ATP9B: variants seen among roughly 807,000 people sequenced by gnomAD.
ATP9B encodes the protein probable phospholipid-transporting ATPase IIB.
In ATP9B, 110 loss-of-function variants were observed where a neutral mutation model predicts 146.1. The observed-to-expected ratio is 0.75, with a 90% confidence interval of 0.65 to 0.88. The LOEUF is 0.88. ATP9B is among the 40% of genes least tolerant of loss of function. ATP9B has a pLI of 0.00. For synonymous variants in ATP9B, 604 were observed against 569.7 expected, an observed-to-expected ratio of 1.06 and a Z score of -0.86; for missense variants, 1,499 against 1,496.4, an observed-to-expected ratio of 1.00 and a Z score of -0.03.
At chr18:79,245,480 CA>C (rs2095935426) in intron 11 of ATP9B, among the ~76,000 whole-genome samples, 2 of 152,232 alleles carry the variant, frequency 1.3e-5, no homozygotes, top group East Asian at 1.9e-4. Flanking sequence ...GCTGTTGTTA[CA>C]ATGTTATCAA....
chr18:79,307,120 C>T lies in ATP9B; in HGVS notation c.1659C>T (p.Asn553=), dbSNP rs148663973. Residue 553 remains asparagine, a synonymous_variant, in exon 15 of 30, where the codon AAC becomes AAT. Transcript: ENST00000426216. ...EAVKAIVLCH[N]VTPVYESRAG... The stretch of plus-strand genomic sequence containing the variant: ...TGAAAGCCATCGTGCTGTGTCACAA[C>T]GTGACCCCCGTGTATGAGTCTCGGG... 1.9e-5 allele frequency: 31 copies of T among 1,614,068 alleles called. No homozygotes were observed. The highest frequency in any genetic ancestry group is 9.3e-5 in the African/African-American group (7 of 74,928).
intron 6 of ATP9B, among the ~76,000 whole-genome samples, chr18:79,147,228 A>G (rs1568275298): frequency 6.8e-6 from 1 of 146,772 alleles, no homozygotes; most frequent in Non-Finnish European, 1.5e-5. Context: ...CAGAGCTGAA[A>G]AAAGTAGGCA....
At position 79,277,880 on chromosome 18, in the gene ATP9B, C is replaced by T. The variant is rs1011073854; in HGVS notation, c.1411+684C>T. ...TAAAAATAAAAGAATACTTATATAG[C>T]GTGATAAACAAAATATGTTGCAAAC... On this transcript the variant is annotated intron_variant, in intron 13 of 29. Transcript: ENST00000426216. Among the ~76,000 whole-genome samples the T allele has an allele frequency of 3.3e-5, 5 of 152,112 alleles. No homozygotes were observed. The East Asian group carries it at 7.7e-4, about 23-fold the overall frequency.
chr18:79,377,133 G>A (rs1245359993), intron 29 of ATP9B, 114 bp from the exon 30 acceptor site: 2 of 1,285,094 alleles, frequency 1.6e-6, no homozygotes, highest in South Asian at 1.3e-5. Context: ...GCACAGTGAT[G>A]TTTCCGTGGC....
At chr18:79,126,971 G>A (rs981976198) in intron 5 of ATP9B, among the ~76,000 whole-genome samples, 1 of 152,166 alleles carries the variant, frequency 6.6e-6, no homozygotes, top group African/African-American at 2.4e-5. Context: ...TGGGGGAAAC[G>A]ATGACAAGTA....
intron 25 of ATP9B, among the ~76,000 whole-genome samples, chr18:79,350,275 C>G (rs1205269417): frequency 6.6e-6 from 1 of 152,224 alleles, no homozygotes. Flanking sequence ...CCTAGGGAAA[C>G]CTTCGCAGGT....
At chr18:79,083,602 C>T (rs577057409) in intron 1 of ATP9B, among the ~76,000 whole-genome samples, 1 of 152,202 alleles carries the variant, frequency 6.6e-6, no homozygotes, top group South Asian at 2.1e-4. Flanking sequence ...AGTATCTGGG[C>T]CAAAATGCTC....
chr18:79,270,243 C>T (rs1326506718), intron 12 of ATP9B, among the ~76,000 whole-genome samples: 2 of 152,130 alleles, frequency 1.3e-5, no homozygotes, highest in African/African-American at 2.4e-5. Context: ...CTTGCTCCTG[C>T]ATTCTTGCGC....
chr18:79,154,176 T>C (rs970977711), intron 6 of ATP9B, among the ~76,000 whole-genome samples: 7 of 151,678 alleles, frequency 4.6e-5, no homozygotes, highest in African/African-American at 1.7e-4. Flanking sequence ...TCAGCCAGAA[T>C]GGTCTCGATC....
At chr18:79,368,042 C>T (rs543360896) in intron 26 of ATP9B, among the ~76,000 whole-genome samples, 14 of 152,276 alleles carry the variant, frequency 9.2e-5, no homozygotes, top group African/African-American at 3.1e-4. Flanking sequence ...TCTGTGTCTC[C>T]ATGGAGTGTC....
chr18:79,071,455 TGCGATCGTAGCTC>T (rs1303169099), intron 1 of ATP9B, among the ~76,000 whole-genome samples: 2 of 142,578 alleles, frequency 1.4e-5, no homozygotes, highest in African/African-American at 5.2e-5. Flanking sequence ...GAGTTAGTGA[TGCGATCGTAGCTC>T]ATTACAGCTT....
chr18:79,148,164 T>G (rs1181159650), intron 6 of ATP9B, among the ~76,000 whole-genome samples: 1 of 152,056 alleles, frequency 6.6e-6, no homozygotes, highest in Admixed American at 6.5e-5. Context: ...GAAGCTGAAT[T>G]AGTAATTTAA....
chr18:79,368,882 C>T (rs2097051594), intron 26 of ATP9B, among the ~76,000 whole-genome samples: 1 of 151,994 alleles, frequency 6.6e-6, no homozygotes. Flanking sequence ...CGGCAGGAAG[C>T]CCACACTTCC....
chr18:79,234,989 C>G (rs2095827761), intron 11 of ATP9B, among the ~76,000 whole-genome samples: 1 of 152,170 alleles, frequency 6.6e-6, no homozygotes, highest in African/African-American at 2.4e-5. Context: ...TCTCCTGTCT[C>G]AGCCTCCCGA....
chr18:79,344,080 A>G, intron 20 of ATP9B, 185 bp from the exon 21 acceptor site: 1 of 619,328 alleles, frequency 1.6e-6, no homozygotes, highest in South Asian at 2.0e-5. Context: ...GAGTGGATAG[A>G]CACACCCAGC....
intron 13 of ATP9B, among the ~76,000 whole-genome samples, chr18:79,296,759 G>C (rs887189538): frequency 3.3e-5 from 5 of 152,124 alleles, no homozygotes; most frequent in African/African-American, 1.2e-4. Context: ...AACTTTTTTG[G>C]CTGCTATTTA....
intron 14 of ATP9B, among the ~76,000 whole-genome samples, chr18:79,306,450 G>A (rs970003276): frequency 6.6e-6 from 1 of 152,174 alleles, no homozygotes; most frequent in Non-Finnish European, 1.5e-5. Flanking sequence ...TCCTCTGAAT[G>A]CAACTTAGGA....
Position 79,096,490 on chromosome 18 carries a change from A to T in ATP9B, c.134A>T (p.Asp45Val). Reference sequence around the variant, plus strand: ...ACCCTAACTAGGTACCAGCTGGAGGATGAGTCTGCGCATTTGGATGAAATG... The same window carrying T: ...ACCCTAACTAGGTACCAGCTGGAGGTTGAGTCTGCGCATTTGGATGAAATG... ...ADRHSRYQLE[D>V]ESAHLDEMPL... The change falls in exon 2 of 30, where the codon GAT becomes GTT. Residue 45 changes from aspartate (D) to valine (V), a missense_variant. By Grantham distance (152) the Asp-to-Val change is radical. Transcript: ENST00000426216. 1 of 1,614,014 alleles carries T rather than the reference A, an allele frequency of 6.2e-7. No homozygotes were observed. The highest frequency in any genetic ancestry group is 8.5e-7 in the Non-Finnish European group (1 of 1,179,944).
At chr18:79,284,654 G>A (rs954931951) in intron 13 of ATP9B, among the ~76,000 whole-genome samples, 1 of 151,010 alleles carries the variant, frequency 6.6e-6, no homozygotes, top group Non-Finnish European at 1.5e-5. Context: ...TAAGTTTTAG[G>A]GTACATGTGC....
Sources: allele counts gnomAD v4.1 joint callset (sites outside exome capture counted in the v4.1 genomes callset), GRCh38; gene constraint gnomAD v4.1.1; transcripts MANE v1.5; gene names NCBI Gene and HGNC (gene_info 2026-07-23, HGNC 2026-07-21).